Variants in KCNMA1 observed in about 807,000 individuals in gnomAD.
The protein encoded by KCNMA1 is Calcium-activated potassium channel subunit alpha-1.
KCNMA1 carries 29 observed loss-of-function variants against 140.0 expected under a neutral mutation model. The ratio of observed to expected loss-of-function variants is 0.21; its 90% CI spans 0.15 to 0.28. KCNMA1 has a LOEUF of 0.28. KCNMA1 is among the 10% of genes least tolerant of loss of function. The pLI is 1.00. For synonymous variants in KCNMA1, 612 were observed against 611.9 expected (o/e 1.00, Z 0.00); for missense variants, 880 against 1,602.2 (o/e 0.55, Z 7.70).
chr10:76,977,631 T>C (rs1386273104), intron 19 of KCNMA1: 1 of 702,922 alleles, frequency 1.4e-6, no homozygotes, highest in Admixed American at 2.0e-5. Flanking sequence ...AACAATGTTC[T>C]TCCCAACCTG....
chr10:77,447,807 G>T (rs895679496), intron 1 of KCNMA1, among the ~76,000 whole-genome samples: 1 of 152,228 alleles, frequency 6.6e-6, no homozygotes, highest in Non-Finnish European at 1.5e-5. Context: ...CATCAGCAAT[G>T]CTGCTACTAG....
intron 2 of KCNMA1, among the ~76,000 whole-genome samples, chr10:77,267,591 A>T (rs965006025): frequency 2.0e-5 from 3 of 152,126 alleles, no homozygotes; most frequent in Non-Finnish European, 4.4e-5. Context: ...TTTTTCTTGG[A>T]TCGCTGTGAT....
chr10:77,258,191 T>C (rs1427343447), intron 2 of KCNMA1, among the ~76,000 whole-genome samples: 2 of 152,242 alleles, frequency 1.3e-5, no homozygotes, highest in Non-Finnish European at 2.9e-5. Flanking sequence ...AAGGTAGCCC[T>C]CACTTATGCT....
chr10:77,594,324 T>C (rs895781947), intron 1 of KCNMA1, among the ~76,000 whole-genome samples: 2 of 152,132 alleles, frequency 1.3e-5, no homozygotes, highest in Non-Finnish European at 2.9e-5. Context: ...GAAGAAGCAC[T>C]CCAGCCAGCC....
intron 25 of KCNMA1, among the ~76,000 whole-genome samples, chr10:76,908,176 T>C (rs912553822): frequency 2.0e-5 from 3 of 152,206 alleles, no homozygotes; most frequent in Non-Finnish European, 2.9e-5. Context: ...ATGAGGCCTA[T>C]GACTGAGAAT....
In KCNMA1 at chr10:77,001,471, G is replaced by C; in HGVS notation, c.2202C>G (p.Thr734=). 1 of 1,551,862 alleles carries C rather than the reference G, an allele frequency of 6.4e-7. No homozygotes were observed. The highest frequency in any genetic ancestry group is 8.7e-7 in the Non-Finnish European group (1 of 1,147,002). The change falls in exon 19 of 28, where the codon ACC becomes ACG. Residue 734 remains threonine, a synonymous_variant. Transcript: ENST00000286628. ...MSGRVRGNVD[T]LERAFPLSSV... ...AAGAAAGTGGGAAGGCTCTCTCAAG[G>C]GTGTCCACGTTACCACGCACACGGC... is the stretch of plus-strand genomic sequence containing the variant.
At chr10:77,497,323 A>C (rs2042320826) in intron 1 of KCNMA1, among the ~76,000 whole-genome samples, 2 of 152,222 alleles carry the variant, frequency 1.3e-5, no homozygotes, top group African/African-American at 4.8e-5. Flanking sequence ...ACCTCAGTAG[A>C]CATGATGGTT....
chr10:77,134,996 T>TTAAAAAA (rs2097961028), intron 5 of KCNMA1, among the ~76,000 whole-genome samples: 1 of 780 alleles, frequency 1.3e-3, no homozygotes, highest in African/African-American at 2.2e-3. Context: ...AGACTCTGTC[T>TTAAAAAA]CAAAAAAAAA....
At chr10:77,584,604 G>C (rs1489720694) in intron 1 of KCNMA1, among the ~76,000 whole-genome samples, 1 of 152,160 alleles carries the variant, frequency 6.6e-6, no homozygotes, top group East Asian at 1.9e-4. Context: ...TGATCTGCCT[G>C]CCTCAGCCTC....
At chr10:77,546,539 C>T (rs2061501261) in intron 1 of KCNMA1, among the ~76,000 whole-genome samples, 2 of 152,248 alleles carry the variant, frequency 1.3e-5, no homozygotes, top group South Asian at 4.1e-4. Flanking sequence ...TGTCCCAGGC[C>T]ACTGCCGGCC....
rs537988145 is a variant in KCNMA1 at position 77,256,592 on chromosome 10, G to A, written c.541-5336C>T. 5.3e-5 allele frequency among the ~76,000 whole-genome samples: 8 copies of A among 152,260 alleles called. No individual in the cohort carries two copies. The South Asian group carries it at 1.0e-3, about 20-fold the overall frequency. On this transcript the variant is annotated intron_variant, in intron 2 of 27. Transcript: ENST00000286628. The stretch of plus-strand genomic sequence containing the variant: ...ATGAGGCCTGCAGGCTTAGAGAATC[G>A]TGCTAGGAGTACTAGAAAAAGTACA...
intron 2 of KCNMA1, among the ~76,000 whole-genome samples, chr10:77,348,841 G>A (rs1282856963): frequency 6.6e-6 from 1 of 152,132 alleles, no homozygotes; most frequent in Non-Finnish European, 1.5e-5. Context: ...GGCCGCCACT[G>A]TTCTTTAGGG....
intron 1 of KCNMA1, among the ~76,000 whole-genome samples, chr10:77,557,611 G>T (rs149897874): frequency 1.3e-5 from 2 of 151,582 alleles, no homozygotes; most frequent in African/African-American, 2.4e-5. Flanking sequence ...AGCTCTCTGG[G>T]GCAGGTTAAG....
chr10:77,116,177 A>G (rs537755928), intron 6 of KCNMA1, among the ~76,000 whole-genome samples: 1 of 152,312 alleles, frequency 6.6e-6, no homozygotes, highest in African/African-American at 2.4e-5. Context: ...CTTATCATCA[A>G]CACCTGATCC....
chr10:77,247,385 C>T (rs1176735931), intron 3 of KCNMA1, among the ~76,000 whole-genome samples: 1 of 152,012 alleles, frequency 6.6e-6, no homozygotes, highest in Non-Finnish European at 1.5e-5. Context: ...GTTTTTTTTC[C>T]TTATCTGTTA....
intron 2 of KCNMA1, among the ~76,000 whole-genome samples, chr10:77,259,870 G>A (rs1468863754): frequency 6.6e-6 from 1 of 152,298 alleles, no homozygotes; most frequent in African/African-American, 2.4e-5. Context: ...TATGAAGGCC[G>A]GGTGTGTGTC....
At chr10:77,341,831 C>G (rs908080819) in intron 2 of KCNMA1, among the ~76,000 whole-genome samples, 1 of 152,222 alleles carries the variant, frequency 6.6e-6, no homozygotes, top group African/African-American at 2.4e-5. Context: ...TTCTGGCCTA[C>G]CCCAGGATTC....
At position 76,886,411 on chromosome 10, in the gene KCNMA1, T is replaced by C; in HGVS notation, c.*855A>G. 1 of 985,206 alleles carries C rather than the reference T, an allele frequency of 1.0e-6. No individual in the cohort carries two copies. The highest frequency in any genetic ancestry group is 1.2e-6 in the Non-Finnish European group (1 of 829,746). 61.0% of individuals were successfully genotyped at this position (985,206 alleles called of 1,614,324 possible). On this transcript the variant is annotated 3_prime_UTR_variant, in exon 28 of 28. Coordinates refer to ENST00000286628, the MANE Select transcript of KCNMA1 (RefSeq NM_001161352.2). ...TGATATTTATGATACATATGGCTTT[T>C]CATCCCAAATGTCAAAAGTGAAAGA...
intron 9 of KCNMA1, among the ~76,000 whole-genome samples, chr10:77,093,152 A>G (rs2096853451): frequency 6.6e-6 from 1 of 152,186 alleles, no homozygotes; most frequent in Non-Finnish European, 1.5e-5. Flanking sequence ...ACCATTCTAG[A>G]CAATTGAAAA....
Sources: gnomAD v4.1 joint callset for allele counts (sites outside exome capture counted in the v4.1 genomes callset) on GRCh38, gnomAD v4.1.1 for gene constraint, MANE v1.5 for transcripts, NCBI Gene and HGNC (gene_info 2026-07-23, HGNC 2026-07-21) for gene names.